AMBP: variants seen among roughly 807,000 people sequenced by gnomAD.
The protein encoded by AMBP is protein AMBP.
In AMBP, 37 loss-of-function variants were observed where a neutral mutation model predicts 46.3. The observed-to-expected ratio is 0.80, with a 90% CI of 0.61 to 1.05. The LOEUF (loss-of-function observed/expected upper bound fraction) is 1.05, where lower values mean the gene tolerates loss of function less well. AMBP is among the 50% of genes least tolerant of loss of function. The pLI is 0.00. For missense variants in AMBP, 475 were observed against 461.2 expected, an observed-to-expected ratio of 1.03 and a Z score of -0.27; for synonymous variants, 174 against 175.9, an observed-to-expected ratio of 0.99 and a Z score of 0.09.
intron 7 of AMBP, 22 bp from the exon 8 acceptor site, chr9:114,061,613 G>A (rs1355444573): frequency 5.1e-6 from 8 of 1,575,676 alleles, no homozygotes; most frequent in Non-Finnish European, 6.9e-6. Flanking sequence ...CAGACCAGCA[G>A]CACTGACCAA....
chr9:114,078,265 G>T lies in AMBP; in HGVS notation c.-56C>A. 6.6e-7 allele frequency: 1 copy of T among 1,523,558 alleles called. No homozygotes were observed. The highest frequency in any genetic ancestry group is 1.4e-5 in the African/African-American group (1 of 73,280). The allele number at this position is 1,523,558 out of a possible 1,614,324, so 94.4% of individuals were successfully genotyped here. ...CACAGGCTCGGTCTAGCAACAGAAG[G>T]GCCACCGCCTCCCTGCAACAGGGCA... On this transcript the variant is annotated 5_prime_UTR_variant, in exon 1 of 10. Coordinates refer to ENST00000265132, the MANE Select transcript of AMBP (RefSeq NM_001633.4).
chr9:114,069,965 C>T, intron 5 of AMBP: 1 of 566,828 alleles, frequency 1.8e-6, no homozygotes. Flanking sequence ...CTCCACCCCA[C>T]CCCACTAGCA....
At chr9:114,067,620 T>C (rs1846707012) in intron 6 of AMBP, among the ~76,000 whole-genome samples, 1 of 152,192 alleles carries the variant, frequency 6.6e-6, no homozygotes, top group Non-Finnish European at 1.5e-5. Flanking sequence ...TTGATTTTAA[T>C]GATAAAGTTT....
chr9:114,076,418 G>A (rs538017591), intron 2 of AMBP, among the ~76,000 whole-genome samples, 180 bp downstream of exon 2: 30 of 152,222 alleles, frequency 2.0e-4, no homozygotes, highest in African/African-American at 6.0e-4. Context: ...CACTGCCCTC[G>A]AGGAATAGAT....
rs117885383 is a variant in AMBP, at chr9:114,065,167, C to T, written c.604-2409G>A. On this transcript the variant is annotated intron_variant, in intron 6 of 9. Transcript: ENST00000265132. ...AGGATGTTATGGATTGAACTGTGACCCCCAAAATTCATATACTGGGGTCCT... is the reference window on the plus strand; with the variant it reads ...AGGATGTTATGGATTGAACTGTGACTCCCAAAATTCATATACTGGGGTCCT... Among the ~76,000 whole-genome samples the T allele has an allele frequency of 6.8e-4, 104 of 152,122 alleles. No homozygotes were observed. The East Asian group carries it at 0.018, about 27-fold the overall frequency.
At chr9:114,062,161 A>G (rs1846645561) in intron 7 of AMBP, among the ~76,000 whole-genome samples, 1 of 152,036 alleles carries the variant, frequency 6.6e-6, no homozygotes. Context: ...TGCCTTCCCC[A>G]CTAGACCAGA....
chr9:114,061,584 G>A lies in AMBP; in HGVS notation c.693C>T (p.Cys231=), dbSNP rs1385233252. ...AGGGACCGGCCGAGTAGCCCAGCTG[G>A]CAGGAATCTAGGGAGGGGCAGACCA... is the stretch of plus-strand genomic sequence containing the variant. ...VTEVTKKEDS[C]QLGYSAGPCM... is the part of the protein sequence containing the mutation. The change falls in exon 8 of 10, where the codon TGC becomes TGT. Residue 231 remains cysteine (C), a synonymous_variant. Coordinates refer to ENST00000265132, the MANE Select transcript of AMBP (RefSeq NM_001633.4). 1.3e-6 allele frequency: 2 copies of A among 1,598,262 alleles called. No homozygotes were observed. Among genetic ancestry groups the A allele is most frequent in the Admixed American group, 3.4e-5 (2 of 59,586 alleles).
Position 114,078,092 on chromosome 9 carries a change from C to T in AMBP, c.117+1G>A, listed in dbSNP as rs780957482. ...CCTACCACAGAGAGCGGCAGCCTTACCCGAGAGATATTGAAGTTTTCCTGC... is the reference window on the plus strand; with the variant it reads ...CCTACCACAGAGAGCGGCAGCCTTATCCGAGAGATATTGAAGTTTTCCTGC... On this transcript the variant is annotated splice_donor_variant, in intron 1 of 9. Transcript: ENST00000265132. LOFTEE classifies it high-confidence loss of function. 2 of 1,614,028 alleles carry T rather than the reference C, an allele frequency of 1.2e-6. No homozygotes were observed. The highest frequency in any genetic ancestry group is 2.2e-5 in the South Asian group (2 of 91,076).
chr9:114,076,653 C>T lies in AMBP; in HGVS notation c.205G>A (p.Val69Met), dbSNP rs1313320293. ...GCCTCTGTAGCGCCCTCTCCCAGCACCAGCGTGCTCACTGTCATCCTGTCC... is the reference window on the plus strand; with the variant it reads ...GCCTCTGTAGCGCCCTCTCCCAGCATCAGCGTGCTCACTGTCATCCTGTCC... ...IMDRMTVSTL[V>M]LGEGATEAEI... The change falls in exon 2 of 10, where the codon GTG (valine) becomes ATG (methionine). Residue 69 changes from valine to methionine, a missense_variant. By Grantham distance (21) the Val-to-Met change is conservative. Transcript: ENST00000265132. 2 of 1,614,068 alleles carry T rather than the reference C, an allele frequency of 1.2e-6. No homozygotes were observed. The highest frequency in any genetic ancestry group is 2.2e-5 in the East Asian group (1 of 44,864).
chr9:114,077,220 G>A (rs555966637), intron 1 of AMBP, among the ~76,000 whole-genome samples: 1 of 152,302 alleles, frequency 6.6e-6, no homozygotes, highest in Admixed American at 6.5e-5. Flanking sequence ...AAAGTGCACG[G>A]GACAGCTGAA....
In AMBP at chr9:114,078,126, G is replaced by A. The variant is rs1370057187; in HGVS notation, c.84C>T (p.Asn28=). 5 of 1,613,802 alleles carry A rather than the reference G, an allele frequency of 3.1e-6. No homozygotes were observed. The African/African-American group carries it at 5.3e-5, about 17-fold the overall frequency. The change falls in exon 1 of 10, where the codon AAC becomes AAT. Residue 28 remains asparagine (N), a synonymous_variant. Transcript: ENST00000265132. Reference sequence around the variant, plus strand: ...TATTGAAGTTTTCCTGCACTTGGATGTTGTCGGGCGGCGTTGGCACAGGGC... The same window carrying A: ...TATTGAAGTTTTCCTGCACTTGGATATTGTCGGGCGGCGTTGGCACAGGGC... ...SAGPVPTPPD[N]IQVQENFNIS...
At chr9:114,066,387 G>GTGTGTGTA (rs1846694585) in intron 6 of AMBP, among the ~76,000 whole-genome samples, 1 of 150,916 alleles carries the variant, frequency 6.6e-6, no homozygotes, top group African/African-American at 2.4e-5. Context: ...GTGTGTGTGT[G>GTGTGTGTA]TGTGTGTGTG....
chr9:114,069,950 A>ATCCAC, intron 5 of AMBP: 1 of 584,782 alleles, frequency 1.7e-6, no homozygotes, highest in Non-Finnish European at 3.1e-6. Context: ...ATTACCATCT[A>ATCCAC]TCCACTCCAC....
At chr9:114,069,561 C>T (rs930448715) in intron 6 of AMBP, 138 bp downstream of exon 6, 1 of 795,688 alleles carries the variant, frequency 1.3e-6, no homozygotes, top group Non-Finnish European at 2.0e-6. Flanking sequence ...CTGACTTCAA[C>T]ACTCATGGCC....
intron 7 of AMBP, 95 bp from the exon 8 acceptor site, chr9:114,061,686 A>C: frequency 7.3e-7 from 1 of 1,364,172 alleles, no homozygotes; most frequent in Non-Finnish European, 9.8e-7. Flanking sequence ...TTTAATTTTC[A>C]CTAAAAGGAT....
intron 5 of AMBP, among the ~76,000 whole-genome samples, chr9:114,070,531 G>A (rs1482177047): frequency 1.3e-5 from 2 of 152,244 alleles, no homozygotes; most frequent in Non-Finnish European, 2.9e-5. Flanking sequence ...CCGTCACGAT[G>A]GGGCTGGGCT....
Position 114,075,015 on chromosome 9 carries a change from C to T in AMBP, c.282G>A (p.Thr94=), listed in dbSNP as rs150403120. 1.2e-4 allele frequency: 195 copies of T among 1,613,998 alleles called. No homozygotes were observed. The highest frequency in any genetic ancestry group is 1.6e-4 in the Middle Eastern group (1 of 6,080). The change falls in exon 3 of 10, where the codon ACG becomes ACA. Residue 94 remains threonine (T), a synonymous_variant. Transcript: ENST00000265132. ...TRWRKGVCEE[T]SGAYEKTDTD... is the part of the protein sequence containing the mutation. ...TATCTGTTTTCTCATAAGCTCCAGA[C>T]GTCTCCTCACAGACACCTTTCCTAG...
At chr9:114,076,046 T>C (rs35503856) in intron 2 of AMBP, among the ~76,000 whole-genome samples, 59,303 of 151,778 alleles carry the variant, frequency 0.39, 12,005 homozygotes, top group Non-Finnish European at 0.45. Flanking sequence ...TCCCAGGGCA[T>C]TGGGGAGTCA....
At chr9:114,065,686 C>T (rs77554614) in intron 6 of AMBP, among the ~76,000 whole-genome samples, 2,694 of 150,268 alleles carry the variant, frequency 0.018, 103 homozygotes, top group African/African-American at 0.063. Flanking sequence ...AGTTGATGAA[C>T]ATAAAACACC....
Sources: gnomAD v4.1 joint callset for allele counts (sites outside exome capture counted in the v4.1 genomes callset) on GRCh38, gnomAD v4.1.1 for gene constraint, MANE v1.5 for transcripts, NCBI Gene and HGNC (gene_info 2026-07-23, HGNC 2026-07-21) for gene names.